Variants in PER3 observed in about 807,000 individuals in gnomAD.
PER3 encodes period circadian protein homolog 3.
In PER3, 107 loss-of-function variants were observed where a neutral mutation model predicts 127.2. That is an observed-to-expected ratio of 0.84 (90% CI 0.72 to 0.99). PER3 has a LOEUF of 0.99. PER3 is among the 50% of genes least tolerant of loss of function. PER3 has a pLI of 0.00. For missense variants in PER3, 1,560 were observed against 1,525.8 expected (o/e 1.02, Z -0.37); for synonymous variants, 618 against 585.8 (o/e 1.05, Z -0.79).
Position 7,842,941 on chromosome 1 carries a change from T to C in PER3, c.*186T>C. On this transcript the variant is annotated 3_prime_UTR_variant, in exon 22 of 22. Coordinates refer to ENST00000377532, the MANE Select transcript of PER3 (RefSeq NM_001377275.1). Reference sequence around the variant, plus strand: ...TATACAGAATCTTACTTCTCTTTGTTCCTGATATATTAAAATGGCCAGTTA... The same window carrying C: ...TATACAGAATCTTACTTCTCTTTGTCCCTGATATATTAAAATGGCCAGTTA... 2.6e-6 allele frequency: 1 copy of C among 389,886 alleles called. No homozygotes were observed. Among genetic ancestry groups the C allele is most frequent in the Non-Finnish European group, 4.6e-6 (1 of 218,428 alleles). 24.2% of individuals were successfully genotyped at this position (389,886 alleles called of 1,614,324 possible).
At chr1:7,809,225 C>A (rs1165522035) in intron 11 of PER3, among the ~76,000 whole-genome samples, 1 of 152,158 alleles carries the variant, frequency 6.6e-6, no homozygotes, top group Admixed American at 6.5e-5. Context: ...AGACAGCAAA[C>A]CACGTGACTG....
Position 7,821,255 on chromosome 1 carries a change from T to A in PER3, c.1957+615T>A, listed in dbSNP as rs146656779. Among the ~76,000 whole-genome samples the A allele has an allele frequency of 3.0e-4, 46 of 152,364 alleles. No individual in the cohort carries two copies. The East Asian group carries it at 8.3e-3, about 27-fold the overall frequency. ...TACGTTAAATTGGGTTTTCACATGA[T>A]CTCTGCTTTATCTTTGCTAGTCTTC... is the stretch of plus-strand genomic sequence containing the variant. On this transcript the variant is annotated intron_variant, in intron 16 of 21. Transcript: ENST00000377532.
At chr1:7,831,151 G>A (rs976673769) in intron 19 of PER3, among the ~76,000 whole-genome samples, 2 of 152,110 alleles carry the variant, frequency 1.3e-5, no homozygotes, top group African/African-American at 4.8e-5. Context: ...GGGTTTTATA[G>A]TTTTCAGCCT....
At position 7,784,841 on chromosome 1, in the gene PER3, G is replaced by T; in HGVS notation, c.-37G>T. On this transcript the variant is annotated 5_prime_UTR_variant, in exon 2 of 22. Transcript: ENST00000377532. ...GTGAGCGAGAAGCAGGCTGCGGGCC[G>T]TCCCAGCACGACGTGGAGCCCCGCG... 7.0e-7 allele frequency: 1 copy of T among 1,431,526 alleles called. No homozygotes were observed. Among genetic ancestry groups the T allele is most frequent in the Non-Finnish European group, 9.1e-7 (1 of 1,101,408 alleles). The allele number at this position is 1,431,526 out of a possible 1,614,324, so 88.7% of individuals were successfully genotyped here. A position where few individuals can be genotyped will look rare whatever the true frequency, so the allele number is the denominator to read the frequency against.
chr1:7,810,588 G>A lies in PER3; in HGVS notation c.1522G>A (p.Gly508Ser). The change falls in exon 13 of 22, where the codon GGT becomes AGT. Residue 508 changes from glycine (G) to serine (S), a missense_variant and splice_region_variant. This residue lies in a region of PER3 where 1,332 missense variants were observed against 1,223.6 expected (regional missense o/e 1.09). Transcript: ENST00000377532. ...NGGGESANGG[G>S]ECKTFTSFHQ... ...TGGTGGTGAGTCAGCGAATGGTGGTGGTGAGTCAGCCGGCAGCCCCAAGGA... is the reference window on the plus strand; with the variant it reads ...TGGTGGTGAGTCAGCGAATGGTGGTAGTGAGTCAGCCGGCAGCCCCAAGGA... 3 of 1,606,622 alleles carry A rather than the reference G, an allele frequency of 1.9e-6. No individual in the cohort carries two copies. Among genetic ancestry groups the A allele is most frequent in the Non-Finnish European group, 2.5e-6 (3 of 1,177,368 alleles).
chr1:7,843,652 T>C lies in PER3; in HGVS notation c.*897T>C, dbSNP rs1308402833. 6 of 153,090 alleles carry C rather than the reference T, an allele frequency of 3.9e-5. No individual in the cohort carries two copies. The highest frequency in any genetic ancestry group is 1.4e-4 in the African/African-American group (6 of 41,486). 9.5% of individuals were successfully genotyped at this position (153,090 alleles called of 1,614,324 possible). A position where few individuals can be genotyped will look rare whatever the true frequency, so the allele number is the denominator to read the frequency against. On this transcript the variant is annotated 3_prime_UTR_variant, in exon 22 of 22. Coordinates refer to ENST00000377532, the MANE Select transcript of PER3 (RefSeq NM_001377275.1). ...GTTAACTCTTTCTTTCCAATCAATTTATACAAAAGAGGTCGCTCCAGCCCT... is the reference window on the plus strand; with the variant it reads ...GTTAACTCTTTCTTTCCAATCAATTCATACAAAAGAGGTCGCTCCAGCCCT...
In PER3 at chr1:7,784,695, T is replaced by G; in HGVS notation, c.-183T>G. 1.8e-6 allele frequency: 1 copy of G among 541,448 alleles called. No individual in the cohort carries two copies. The highest frequency in any genetic ancestry group is 3.7e-5 in the South Asian group (1 of 26,980). 33.5% of individuals were successfully genotyped at this position (541,448 alleles called of 1,614,324 possible). On this transcript the variant is annotated 5_prime_UTR_variant, in exon 2 of 22. It removes an upstream start codon present in the reference 5' UTR. Coordinates refer to ENST00000377532, the MANE Select transcript of PER3 (RefSeq NM_001377275.1). ...TCGAGCGAGCTCCGGGTTTTGAAAATGTTGGAGGGAAAAGCTCCTCGGAGA... is the reference window on the plus strand; with the variant it reads ...TCGAGCGAGCTCCGGGTTTTGAAAAGGTTGGAGGGAAAAGCTCCTCGGAGA...
intron 21 of PER3, among the ~76,000 whole-genome samples, chr1:7,840,608 G>A (rs540128353): frequency 1.3e-4 from 19 of 150,372 alleles, no homozygotes; most frequent in South Asian, 2.1e-4. Flanking sequence ...ATGAGCCACC[G>A]CACCCAGCTT....
intron 4 of PER3, chr1:7,787,572 C>A: frequency 2.9e-6 from 1 of 343,634 alleles, no homozygotes; most frequent in South Asian, 2.3e-5. Flanking sequence ...TATGCCAATG[C>A]TAGCAAACAC....
chr1:7,827,816 GT>G lies in PER3; in HGVS notation c.2886+2del. 1.0e-5 allele frequency: 16 copies of G among 1,594,182 alleles called. No individual in the cohort carries two copies. Among genetic ancestry groups the G allele is most frequent in the Non-Finnish European group, 1.4e-5 (16 of 1,165,602 alleles). On this transcript the variant is annotated splice_donor_variant, in intron 18 of 21. Transcript: ENST00000377532. LOFTEE classifies it high-confidence loss of function. ...GAACACGTGCCCACAAACTGAGTAT[GT>G]AAGTGATGCTCATTTTCAACACTCA...
intron 10 of PER3, among the ~76,000 whole-genome samples, chr1:7,808,534 T>G (rs796374861): frequency 5.9e-5 from 9 of 152,328 alleles, no homozygotes; most frequent in African/African-American, 2.2e-4. Context: ...GTCTTTAAAA[T>G]TCTTAGAGTA....
Position 7,798,543 on chromosome 1 carries a change from G to A in PER3, c.663G>A (p.Lys221=). Residue 221 remains lysine (K), a synonymous_variant, in exon 7 of 22, where the codon AAG becomes AAA. Coordinates refer to ENST00000377532, the MANE Select transcript of PER3 (RefSeq NM_001377275.1). ...TCCTCAGTGGAGGTGAAGACAGAAA[G>A]CAAGAGAAGTGTCACTCCCCATTCC... ...FCRIRGGEDR[K]QEKCHSPFRI... 1 of 1,613,730 alleles carries A rather than the reference G, an allele frequency of 6.2e-7. No individual in the cohort carries two copies. The highest frequency in any genetic ancestry group is 1.1e-5 in the South Asian group (1 of 91,056).
chr1:7,787,454 T>G (rs1330908703), intron 4 of PER3: 1 of 462,928 alleles, frequency 2.2e-6, no homozygotes. Flanking sequence ...GCTTATTTTA[T>G]GGACTGGTGT....
chr1:7,788,310 A>G, intron 5 of PER3, 64 bp downstream of exon 5: 2 of 1,127,558 alleles, frequency 1.8e-6, no homozygotes, highest in East Asian at 2.4e-5. Context: ...TCTTACAGGA[A>G]TAGTACAGAA....
At chr1:7,838,298 A>G (rs926021728) in intron 21 of PER3, among the ~76,000 whole-genome samples, 2 of 152,204 alleles carry the variant, frequency 1.3e-5, no homozygotes, top group Non-Finnish European at 2.9e-5. Flanking sequence ...CATCACCACC[A>G]TCCATCTCCA....
At chr1:7,785,725 C>T (rs549317404) in intron 3 of PER3, 139 bp downstream of exon 3, 34 of 673,936 alleles carry the variant, frequency 5.0e-5, no homozygotes, top group African/African-American at 3.9e-4. Context: ...AGCAAATCTA[C>T]ACCGATTCCA....
intron 21 of PER3, among the ~76,000 whole-genome samples, chr1:7,838,600 A>G (rs749352178): frequency 3.3e-5 from 5 of 152,106 alleles, no homozygotes; most frequent in Admixed American, 1.3e-4. Context: ...GGGTTTCCCC[A>G]TGTTGGCCAG....
chr1:7,836,296 G>T (rs912068220), intron 20 of PER3, among the ~76,000 whole-genome samples: 2 of 152,142 alleles, frequency 1.3e-5, no homozygotes, highest in Non-Finnish European at 2.9e-5. Context: ...TCCTGCCTCA[G>T]CCTCCCAAGT....
chr1:7,833,326 TTCTA>T (rs1287313793), intron 19 of PER3, among the ~76,000 whole-genome samples: 9 of 152,362 alleles, frequency 5.9e-5, no homozygotes, highest in African/African-American at 2.2e-4. Flanking sequence ...CTAACTGATT[TTCTA>T]TCTGTTTTAT....
Sources: gnomAD v4.1 joint callset for allele counts (sites outside exome capture counted in the v4.1 genomes callset) on GRCh38, gnomAD v4.1.1 for gene constraint, gnomAD v4.1.1 regional missense constraint, MANE v1.5 for transcripts, NCBI Gene and HGNC (gene_info 2026-07-23, HGNC 2026-07-21) for gene names.